Variants in MADD observed in about 807,000 individuals in gnomAD.
MADD encodes the protein MAP kinase activating death domain, also known as MAP kinase-activating death domain protein.
In MADD, 109 loss-of-function variants were observed where a neutral mutation model predicts 176.7. The ratio of observed to expected loss-of-function variants is 0.62; its 90% confidence interval spans 0.53 to 0.72. The LOEUF (loss-of-function observed/expected upper bound fraction) is 0.72, where lower values mean the gene tolerates loss of function less well. Among genes scored for constraint, MADD ranks in the 30% least tolerant of loss-of-function variants. MADD has a pLI of 0.00. For missense variants in MADD, 1,914 were observed against 2,045.5 expected (o/e 0.94, Z 1.24); for synonymous variants, 771 against 771.3 (o/e 1.00, Z 0.01).
chr11:47,273,848 C>T, exon 2 of MADD: 1 of 1,387,428 alleles, frequency 7.2e-7, no homozygotes, highest in Non-Finnish European at 1.0e-6. Context: ...CAGAATTCCT[C>T]CTGGGAATGC....
exon 3 of MADD, chr11:47,275,002 C>T (rs2048376895): frequency 3.7e-6 from 6 of 1,614,216 alleles, no homozygotes; most frequent in East Asian, 2.2e-5. Context: ...GGCGGGGAGC[C>T]GCTCCCGCAA....
intron 15 of MADD, among the ~76,000 whole-genome samples, chr11:47,288,216 G>A (rs1363934363): frequency 2.0e-5 from 3 of 152,214 alleles, no homozygotes; most frequent in Non-Finnish European, 4.4e-5. Flanking sequence ...TTTGAGCCCA[G>A]GAGTTTGAGG....
intron 14 of MADD, 120 bp from the exon 15 acceptor site, chr11:47,286,313 G>T: frequency 1.4e-6 from 1 of 731,588 alleles, no homozygotes. Context: ...GAGATGATCT[G>T]ATCCACCAAA....
At chr11:47,280,471 C>T (rs2136981271) in intron 7 of MADD, among the ~76,000 whole-genome samples, 1 of 151,638 alleles carries the variant, frequency 6.6e-6, no homozygotes, top group Non-Finnish European at 1.5e-5. Flanking sequence ...GCTGCCTTCA[C>T]TTGCTGTGTT....
Position 47,329,037 on chromosome 11 carries a change from C to A in MADD, c.4660-9C>A, listed in dbSNP as rs185309796. On this transcript the variant is annotated splice_polypyrimidine_tract_variant and intron_variant, in intron 32 of 32. Coordinates refer to ENST00000402192, the Ensembl canonical transcript of MADD. Reference sequence around the variant, plus strand: ...AGTATCGTGATCCGCCTGGTTTTCTCTCCTCTAGGCCCACGAAATCTGCTA... The same window carrying A: ...AGTATCGTGATCCGCCTGGTTTTCTATCCTCTAGGCCCACGAAATCTGCTA... 5 of 1,607,870 alleles carry A rather than the reference C, an allele frequency of 3.1e-6. No homozygotes were observed. In the Admixed American group the frequency reaches 8.3e-5, roughly 27 times the overall value.
chr11:47,293,896 C>G (rs199945957), exon 20 of MADD: 1 of 1,613,732 alleles, frequency 6.2e-7, no homozygotes, highest in Admixed American at 1.7e-5. Flanking sequence ...CTGAAGTAAT[C>G]AAACCTGTCT....
chr11:47,273,748 C>T, intron 1 of MADD, 79 bp from the exon 2 acceptor site: 1 of 588,810 alleles, frequency 1.7e-6, no homozygotes, highest in Non-Finnish European at 3.1e-6. Context: ...TGACCTCTGC[C>T]TCTGGCCGGG....
intron 22 of MADD, among the ~76,000 whole-genome samples, chr11:47,303,519 T>C (rs2079762482): frequency 6.6e-6 from 1 of 151,940 alleles, no homozygotes; most frequent in Non-Finnish European, 1.5e-5. Flanking sequence ...ATTACAGGCG[T>C]GAGCCACTGC....
chr11:47,329,002 G>GC (rs761646210), intron 32 of MADD, 44 bp from the exon 37 acceptor site: 42 of 1,441,476 alleles, frequency 2.9e-5, no homozygotes, highest in Non-Finnish European at 7.8e-6. Context: ...TATGGAGATG[G>GC]AGGAGTCTCA....
chr11:47,319,192 C>T (rs922249242), intron 27 of MADD, among the ~76,000 whole-genome samples: 2 of 143,664 alleles, frequency 1.4e-5, no homozygotes, highest in African/African-American at 5.2e-5. Context: ...AGTGCAGTGG[C>T]ACAATCTTGG....
At chr11:47,274,796 G>A (rs201680794) in exon 3 of MADD, 33 of 1,614,052 alleles carry the variant, frequency 2.0e-5, no homozygotes, top group Middle Eastern at 3.3e-4. Flanking sequence ...AACTTCTACC[G>A]CTCCTTCCAA....
chr11:47,292,983 C>G (rs59726655), intron 19 of MADD, among the ~76,000 whole-genome samples: 4,142 of 152,186 alleles, frequency 0.027, 188 homozygotes, highest in African/African-American at 0.095. Flanking sequence ...TGTAGCTGCC[C>G]CACTCTCTGG....
chr11:47,308,806 C>G, intron 23 of MADD, 107 bp downstream of exon 25: 1 of 1,069,024 alleles, frequency 9.4e-7, no homozygotes, highest in South Asian at 1.4e-5. Context: ...GATCTTAATG[C>G]TAACATTAGA....
rs371382689 is a variant in MADD at position 47,297,363 on chromosome 11, T to C, written c.3642+1308T>C. 5.3e-5 allele frequency among the ~76,000 whole-genome samples: 8 copies of C among 152,276 alleles called. No individual in the cohort carries two copies. The East Asian group carries it at 1.5e-3, about 29-fold the overall frequency. On this transcript the variant is annotated intron_variant, in intron 22 of 32. Transcript: ENST00000402192. ...TACTCAAGTTAATGGGCCTTAACTC[T>C]CTCTCAGTCTGAACAGACTGATTGG...
chr11:47,275,452 C>T (rs1277738372), intron 3 of MADD, among the ~76,000 whole-genome samples: 1 of 152,164 alleles, frequency 6.6e-6, no homozygotes, highest in African/African-American at 2.4e-5. Flanking sequence ...CCACCATGAC[C>T]AGCTAATTTT....
intron 22 of MADD, among the ~76,000 whole-genome samples, chr11:47,305,199 C>T (rs2081621285): frequency 6.6e-6 from 1 of 152,056 alleles, no homozygotes; most frequent in African/African-American, 2.4e-5. Context: ...ACTGACATGG[C>T]CTACAAGCAG....
At chr11:47,288,667 G>A (rs1470650898) in intron 15 of MADD, among the ~76,000 whole-genome samples, 1 of 152,152 alleles carries the variant, frequency 6.6e-6, no homozygotes, top group Non-Finnish European at 1.5e-5. Flanking sequence ...CCTCTGTGCT[G>A]GATGTTTTCT....
At chr11:47,274,834 G>C (rs749059598) in exon 3 of MADD, 1 of 1,614,228 alleles carries the variant, frequency 6.2e-7, no homozygotes, top group Non-Finnish European at 8.5e-7. Context: ...GAAGGGGGAA[G>C]GTGGGGCAGG....
At chr11:47,299,254 T>C (rs1297194090) in intron 22 of MADD, among the ~76,000 whole-genome samples, 1 of 152,168 alleles carries the variant, frequency 6.6e-6, no homozygotes, top group East Asian at 1.9e-4. Context: ...TAGATCACTT[T>C]TGGTAGTATG....
Sources: allele counts gnomAD v4.1 joint callset (sites outside exome capture counted in the v4.1 genomes callset), GRCh38; gene constraint gnomAD v4.1.1; transcripts MANE v1.5; gene names NCBI Gene and HGNC (gene_info 2026-07-23, HGNC 2026-07-21).